The following TRMT10A variants were observed in gnomAD, a reference collection of about 807,000 sequenced individuals.
TRMT10A encodes tRNA methyltransferase 10A.
In TRMT10A, 37 loss-of-function variants were observed where a neutral mutation model predicts 40.4. The ratio of observed to expected loss-of-function variants is 0.92; its 90% confidence interval spans 0.71 to 1.21. The LOEUF (loss-of-function observed/expected upper bound fraction) is 1.21, where lower values mean the gene tolerates loss of function less well. Among genes scored for constraint, TRMT10A ranks in the 50% most tolerant of loss-of-function variants. The probability of loss-of-function intolerance (pLI) is 0.00; values close to 1 mark genes in which losing one functional copy is unlikely to be tolerated. For missense variants in TRMT10A, 388 were observed against 404.3 expected, an observed-to-expected ratio of 0.96 and a Z score of 0.35; for synonymous variants, 103 against 134.1, an observed-to-expected ratio of 0.77 and a Z score of 1.60.
chr4:99,559,807 T>C (rs540049700), intron 1 of TRMT10A, among the ~76,000 whole-genome samples: 3 of 152,244 alleles, frequency 2.0e-5, no homozygotes, highest in African/African-American at 7.2e-5. Context: ...TTACGGTTAA[T>C]CTATAACATG....
intron 7 of TRMT10A, 33 bp downstream of exon 7, chr4:99,550,852 A>G: frequency 7.0e-7 from 1 of 1,430,590 alleles, no homozygotes; most frequent in Non-Finnish European, 9.8e-7. Context: ...ATGTTCGCTC[A>G]GGTATATTTT....
Position 99,559,254 on chromosome 4 carries a change from G to T in TRMT10A, c.85C>A (p.Gln29Lys), listed in dbSNP as rs769157603. The change falls in exon 2 of 8, where the codon CAG becomes AAG. Residue 29 changes from glutamine (Q) to lysine (K), a missense_variant. Transcript: ENST00000394876. ...CACCCTTCACCTAATCTTGGCTTCT[G>T]GCTCTCCTCTTGATCTTCATTTATG... ...QGINEDQEES[Q>K]KPRLGEGCEP... 7.4e-6 allele frequency: 12 copies of T among 1,613,474 alleles called. No homozygotes were observed. The African/African-American group carries it at 1.6e-4, about 22-fold the overall frequency.
At chr4:99,549,464 A>G in intron 7 of TRMT10A, 108 bp from the exon 8 acceptor site, 2 of 1,395,568 alleles carry the variant, frequency 1.4e-6, no homozygotes, top group Non-Finnish European at 1.9e-6. Context: ...GTTTGTCCTA[A>G]TAACTACTTT....
intron 5 of TRMT10A, among the ~76,000 whole-genome samples, chr4:99,554,186 C>T (rs1724071323): frequency 6.6e-6 from 1 of 152,194 alleles, no homozygotes; most frequent in Admixed American, 6.5e-5. Flanking sequence ...TACTTCCACA[C>T]ACTGATAGCA....
rs1205011503 is a variant in TRMT10A, at chr4:99,548,962, A to C, written c.*126T>G. 1.0e-6 allele frequency: 1 copy of C among 993,258 alleles called. No homozygotes were observed. The allele number at this position is 993,258 out of a possible 1,614,324, so 61.5% of individuals were successfully genotyped here. A position where few individuals can be genotyped will look rare whatever the true frequency, so the allele number is the denominator to read the frequency against. ...TTTTTTTTTATTATTATTTAGGTCC[A>C]AAAAAAAGTTTTTAAAAATCACAAC... On this transcript the variant is annotated 3_prime_UTR_variant, in exon 8 of 8. Transcript: ENST00000394876.
At position 99,547,512 on chromosome 4, in the gene TRMT10A, A is replaced by G. The variant is rs1412071681; in HGVS notation, c.*1576T>C. 1 of 152,132 alleles carries G rather than the reference A, an allele frequency of 6.6e-6. No individual in the cohort carries two copies. The highest frequency in any genetic ancestry group is 1.5e-5 in the Non-Finnish European group (1 of 68,016). The allele number at this position is 152,132 out of a possible 1,614,324, so 9.4% of individuals were successfully genotyped here. On this transcript the variant is annotated 3_prime_UTR_variant, in exon 8 of 8. Coordinates refer to ENST00000394876, the MANE Select transcript of TRMT10A (RefSeq NM_001134665.3). ...ATTAAACAGTGCCCTATTTTACATAAAATAATTTAAGTAAAAGGCATAATA... is the reference window on the plus strand; with the variant it reads ...ATTAAACAGTGCCCTATTTTACATAGAATAATTTAAGTAAAAGGCATAATA...
At chr4:99,557,984 T>C in intron 3 of TRMT10A, 65 bp downstream of exon 3, 2 of 1,422,758 alleles carry the variant, frequency 1.4e-6, no homozygotes, top group South Asian at 1.5e-5. Context: ...GGATATTGCA[T>C]ATTAAAACAA....
At position 99,550,917 on chromosome 4, in the gene TRMT10A, A is replaced by G; in HGVS notation, c.719T>C (p.Met240Thr). ...AACTGCCAAAACTTTTCGACTATTC[A>G]TCTTCACAAAATTTCCAAGTGGGAG... ...AQLPLGNFVK[M>T]NSRKVLAVNH... The change falls in exon 7 of 8, where the codon ATG (methionine) becomes ACG (threonine). Residue 240 changes from methionine (M) to threonine (T), a missense_variant. Coordinates refer to ENST00000394876, the MANE Select transcript of TRMT10A (RefSeq NM_001134665.3). 6.2e-7 allele frequency: 1 copy of G among 1,613,404 alleles called. No individual in the cohort carries two copies. Among genetic ancestry groups the G allele is most frequent in the African/African-American group, 1.3e-5 (1 of 75,018 alleles).
At chr4:99,553,151 T>C (rs1724028247) in intron 6 of TRMT10A, among the ~76,000 whole-genome samples, 1 of 152,142 alleles carries the variant, frequency 6.6e-6, no homozygotes, top group African/African-American at 2.4e-5. Flanking sequence ...AAAAATTCAG[T>C]TCTTCAGTCA....
At chr4:99,559,049 A>T in intron 2 of TRMT10A, 105 bp downstream of exon 2, 1 of 1,198,242 alleles carries the variant, frequency 8.3e-7, no homozygotes. Context: ...TTAGTAATTG[A>T]ATTTTAAGTA....
chr4:99,559,253 T>C lies in TRMT10A; in HGVS notation c.86A>G (p.Gln29Arg). Residue 29 changes from glutamine to arginine, a missense_variant, in exon 2 of 8, where the codon CAG (glutamine) becomes CGG (arginine). By Grantham distance (43) the Gln-to-Arg change is conservative (BLOSUM62 1). Transcript: ENST00000394876. Reference sequence around the variant, plus strand: ...ACACCCTTCACCTAATCTTGGCTTCTGGCTCTCCTCTTGATCTTCATTTAT... The same window carrying C: ...ACACCCTTCACCTAATCTTGGCTTCCGGCTCTCCTCTTGATCTTCATTTAT... The part of the protein sequence containing the change: ...QGINEDQEES[Q>R]KPRLGEGCEP... The C allele has an allele frequency of 3.1e-6, 5 of 1,613,774 alleles. No homozygotes were observed. Among genetic ancestry groups the C allele is most frequent in the South Asian group, 1.1e-5 (1 of 91,064 alleles).
At chr4:99,557,957 A>G in intron 3 of TRMT10A, 92 bp downstream of exon 3, 1 of 1,245,094 alleles carries the variant, frequency 8.0e-7, no homozygotes, top group Non-Finnish European at 1.1e-6. Context: ...ATTTCAATAC[A>G]CAAATTTACA....
Position 99,559,207 on chromosome 4 carries a change from T to G in TRMT10A, c.132A>C (p.Gln44His). 6.2e-7 allele frequency: 1 copy of G among 1,613,432 alleles called. No homozygotes were observed. Among genetic ancestry groups the G allele is most frequent in the South Asian group, 1.1e-5 (1 of 90,980 alleles). ...GEGCEPISKR[Q>H]MKKLIKQKQW... Reference sequence around the variant, plus strand: ...GTTTCTGTTTTATTAGTTTTTTCATTTGTCGTTTAGATATTGGTTCACACC... The same window carrying G: ...GTTTCTGTTTTATTAGTTTTTTCATGTGTCGTTTAGATATTGGTTCACACC... Residue 44 changes from glutamine (Q) to histidine (H), a missense_variant, in exon 2 of 8, where the codon CAA becomes CAC. Physicochemically the swap from Gln to His is conservative, Grantham distance 24. Coordinates refer to ENST00000394876, the MANE Select transcript of TRMT10A (RefSeq NM_001134665.3).
chr4:99,554,907 A>C (rs1380958734), intron 5 of TRMT10A, among the ~76,000 whole-genome samples: 1 of 152,180 alleles, frequency 6.6e-6, no homozygotes. Flanking sequence ...CATTGACTGC[A>C]TAAAAGATGT....
chr4:99,562,821 G>A (rs891720283), intron 1 of TRMT10A, among the ~76,000 whole-genome samples: 1 of 149,398 alleles, frequency 6.7e-6, no homozygotes, highest in South Asian at 2.1e-4. Flanking sequence ...CACTGCGCCC[G>A]GCCTTTCTTG....
chr4:99,562,199 A>ATGTGTGTGTGTGTGTTTGTGTG (rs565108332), intron 1 of TRMT10A, among the ~76,000 whole-genome samples: 1 of 117,652 alleles, frequency 8.5e-6, no homozygotes, highest in African/African-American at 3.8e-5. Context: ...ATATATATAT[A>ATGTGTGTGTGTGTGTTTGTGTG]TATGTGTGTG....
At chr4:99,562,515 C>CTTCTTTTTTTTTTT (rs1164312241) in intron 1 of TRMT10A, among the ~76,000 whole-genome samples, 1 of 76,642 alleles carries the variant, frequency 1.3e-5, no homozygotes, top group African/African-American at 5.9e-5. Flanking sequence ...AAAGGAATGC[C>CTTCTTTTTTTTTTT]TTTTTTTTTT....
chr4:99,557,470 T>C, intron 3 of TRMT10A, 54 bp from the exon 4 acceptor site: 1 of 1,504,078 alleles, frequency 6.6e-7, no homozygotes, highest in Non-Finnish European at 9.2e-7. Flanking sequence ...CTATGGCCAT[T>C]CTATGATCTT....
Position 99,548,104 on chromosome 4 carries a change from A to G in TRMT10A, c.*984T>C, listed in dbSNP as rs1414439986. 2 of 152,152 alleles carry G rather than the reference A, an allele frequency of 1.3e-5. No individual in the cohort carries two copies. Among genetic ancestry groups the G allele is most frequent in the African/African-American group, 4.8e-5 (2 of 41,456 alleles). The allele number at this position is 152,152 out of a possible 1,614,324, so 9.4% of individuals were successfully genotyped here. On this transcript the variant is annotated 3_prime_UTR_variant, in exon 8 of 8. Coordinates refer to ENST00000394876, the MANE Select transcript of TRMT10A (RefSeq NM_001134665.3). ...AAGTAATACAGATATATGGCAATTCAATCATGTTATCATCAATTAAGAACT... is the reference window on the plus strand; with the variant it reads ...AAGTAATACAGATATATGGCAATTCGATCATGTTATCATCAATTAAGAACT...
Sources: gnomAD v4.1 joint callset for allele counts (sites outside exome capture counted in the v4.1 genomes callset) on GRCh38, gnomAD v4.1.1 for gene constraint, MANE v1.5 for transcripts, NCBI Gene and HGNC (gene_info 2026-07-23, HGNC 2026-07-21) for gene names.